TERF2: variants seen among roughly 807,000 people sequenced by gnomAD.
TERF2 encodes the protein telomeric repeat binding factor 2, also known as telomeric repeat-binding factor 2.
In TERF2, 16 loss-of-function variants were observed where a neutral mutation model predicts 56.1. The observed-to-expected ratio is 0.29, with a 90% confidence interval of 0.19 to 0.43. TERF2 has a LOEUF of 0.43. Among genes scored for constraint, TERF2 ranks in the 20% least tolerant of loss-of-function variants. The probability of loss-of-function intolerance (pLI) is 1.00; values close to 1 mark genes in which losing one functional copy is unlikely to be tolerated. For synonymous variants in TERF2, 296 were observed against 282.1 expected, an observed-to-expected ratio of 1.05 and a Z score of -0.50; for missense variants, 547 against 712.9, an observed-to-expected ratio of 0.77 and a Z score of 2.65.
intron 3 of TERF2, among the ~76,000 whole-genome samples, chr16:69,374,984 G>A (rs1046056816): frequency 6.6e-6 from 1 of 152,138 alleles, no homozygotes; most frequent in African/African-American, 2.4e-5. Flanking sequence ...GAACAAAAAA[G>A]CCGTAAGTGT....
chr16:69,367,717 G>A (rs1414650232), intron 6 of TERF2, among the ~76,000 whole-genome samples: 1 of 152,166 alleles, frequency 6.6e-6, no homozygotes, highest in Non-Finnish European at 1.5e-5. Flanking sequence ...CAAACTGGCA[G>A]CCTGCAGGCC....
At chr16:69,382,914 A>T (rs1010691691) in intron 3 of TERF2, among the ~76,000 whole-genome samples, 11 of 152,230 alleles carry the variant, frequency 7.2e-5, no homozygotes, top group Admixed American at 2.0e-4. Context: ...GTTACACTGC[A>T]GTAACAATAA....
intron 4 of TERF2, among the ~76,000 whole-genome samples, chr16:69,371,047 T>C (rs1163751509): frequency 6.6e-6 from 1 of 151,342 alleles, no homozygotes; most frequent in African/African-American, 2.4e-5. Context: ...TAGAGGATCT[T>C]TGAAAGGATA....
chr16:69,380,004 C>A (rs1344977957), intron 3 of TERF2, among the ~76,000 whole-genome samples: 1 of 152,036 alleles, frequency 6.6e-6, no homozygotes, highest in African/African-American at 2.4e-5. Flanking sequence ...CTCCTCGCCT[C>A]CTGGGTTCAA....
At chr16:69,360,143 T>G (rs1057514421) in intron 8 of TERF2, among the ~76,000 whole-genome samples, 6 of 151,958 alleles carry the variant, frequency 3.9e-5, no homozygotes, top group Non-Finnish European at 7.4e-5. Flanking sequence ...TCCCAACACT[T>G]TGGGAGGCTG....
intron 7 of TERF2, among the ~76,000 whole-genome samples, chr16:69,364,392 G>T (rs1567445470): frequency 6.6e-6 from 1 of 152,188 alleles, no homozygotes; most frequent in Non-Finnish European, 1.5e-5. Flanking sequence ...GCAGATTAAA[G>T]GGCATTCTCC....
chr16:69,356,872 G>GA lies in TERF2; in HGVS notation c.*25dup, dbSNP rs2012926914. The GA allele has an allele frequency of 5.6e-6, 9 of 1,598,114 alleles. No individual in the cohort carries two copies. The highest frequency in any genetic ancestry group is 7.7e-6 in the Non-Finnish European group (9 of 1,172,776). On this transcript the variant is annotated 3_prime_UTR_variant, in exon 10 of 10. Coordinates refer to ENST00000254942, the MANE Select transcript of TERF2 (RefSeq NM_005652.5). ...CTATTATTAGGAACCATGCTCCTGTGAATTCTGTGGAAATGAAAGCCTGTT... is the reference window on the plus strand; with the variant it reads ...CTATTATTAGGAACCATGCTCCTGTGAAATTCTGTGGAAATGAAAGCCTGTT...
chr16:69,374,288 C>T (rs1489272679), intron 3 of TERF2, among the ~76,000 whole-genome samples: 1 of 152,132 alleles, frequency 6.6e-6, no homozygotes, highest in Non-Finnish European at 1.5e-5. Flanking sequence ...TCATCCACTA[C>T]AATGAGGATC....
intron 3 of TERF2, among the ~76,000 whole-genome samples, chr16:69,375,428 G>A (rs1310673620): frequency 6.6e-6 from 1 of 152,160 alleles, no homozygotes; most frequent in Non-Finnish European, 1.5e-5. Context: ...GCTAGGTGTG[G>A]TGGCTCACGC....
In TERF2 at chr16:69,372,180, T is replaced by C; in HGVS notation, c.693+89A>G. ...TGTTGAAAGGAGAATATTTAAGTAATATTCCTGACCAAGAACCCTTTCCCT... is the reference window on the plus strand; with the variant it reads ...TGTTGAAAGGAGAATATTTAAGTAACATTCCTGACCAAGAACCCTTTCCCT... On this transcript the variant is annotated intron_variant, in intron 4 of 9. Transcript: ENST00000254942. 3 of 869,294 alleles carry C rather than the reference T, an allele frequency of 3.5e-6. No individual in the cohort carries two copies. The South Asian group carries it at 5.0e-5, about 15-fold the overall frequency. The allele number at this position is 869,294 out of a possible 1,614,324, so 53.8% of individuals were successfully genotyped here.
chr16:69,385,532 C>G (rs1306674297), intron 1 of TERF2, 46 bp from the exon 2 acceptor site: 1 of 1,610,638 alleles, frequency 6.2e-7, no homozygotes, highest in South Asian at 1.1e-5. Flanking sequence ...AGTCCCGACT[C>G]CCGGTCCCCC....
At chr16:69,357,690 T>C in intron 8 of TERF2, 129 bp from the exon 9 acceptor site, 1 of 1,074,896 alleles carries the variant, frequency 9.3e-7, no homozygotes, top group Non-Finnish European at 1.4e-6. Flanking sequence ...AGAGAAAGGA[T>C]ATCACTAAAG....
At chr16:69,374,039 T>G (rs922870132) in intron 3 of TERF2, among the ~76,000 whole-genome samples, 4 of 152,182 alleles carry the variant, frequency 2.6e-5, no homozygotes, top group African/African-American at 4.8e-5. Flanking sequence ...GCACAGTTCT[T>G]GCTGCACAGG....
intron 8 of TERF2, among the ~76,000 whole-genome samples, chr16:69,357,812 G>A (rs1440376361): frequency 6.7e-6 from 1 of 150,140 alleles, no homozygotes; most frequent in African/African-American, 2.4e-5. Context: ...CTAGTGATGC[G>A]TTTCAAGCTC....
chr16:69,364,690 C>A (rs545791182), intron 7 of TERF2, among the ~76,000 whole-genome samples: 5 of 152,228 alleles, frequency 3.3e-5, no homozygotes, highest in African/African-American at 1.2e-4. Context: ...CCAACACACT[C>A]GACGACCTTC....
chr16:69,367,320 T>C, intron 6 of TERF2, 121 bp from the exon 7 acceptor site: 5 of 1,029,282 alleles, frequency 4.9e-6, no homozygotes, highest in South Asian at 3.4e-5. Flanking sequence ...AAATGTGATA[T>C]GTAAGTTGTA....
In TERF2 at chr16:69,385,992, C is replaced by A. The variant is rs2014195590; in HGVS notation, c.-21G>T. On this transcript the variant is annotated 5_prime_UTR_variant, in exon 1 of 10. Coordinates refer to ENST00000254942, the MANE Select transcript of TERF2 (RefSeq NM_005652.5). The stretch of plus-strand genomic sequence containing the variant: ...GCCATGATAGAAACAGCGTTCCGAG[C>A]CGCCCGCGGGCTTCTGGGAGGGAAA... 2 of 1,311,702 alleles carry A rather than the reference C, an allele frequency of 1.5e-6. No homozygotes were observed. Among genetic ancestry groups the A allele is most frequent in the Admixed American group, 4.1e-5 (1 of 24,170 alleles). 81.3% of individuals were successfully genotyped at this position (1,311,702 alleles called of 1,614,324 possible). A position where few individuals can be genotyped will look rare whatever the true frequency, so the allele number is the denominator to read the frequency against.
intron 3 of TERF2, among the ~76,000 whole-genome samples, chr16:69,378,117 T>G (rs1254149721): frequency 6.6e-6 from 1 of 152,236 alleles, no homozygotes; most frequent in African/African-American, 2.4e-5. Flanking sequence ...GAACTAATGT[T>G]GAATTCTGTG....
chr16:69,384,217 G>A (rs757427459), intron 3 of TERF2, among the ~76,000 whole-genome samples: 2 of 152,112 alleles, frequency 1.3e-5, no homozygotes, highest in Admixed American at 6.5e-5. Flanking sequence ...CATTTTCCAA[G>A]GCCCCAGTTT....
Sources: allele counts gnomAD v4.1 joint callset (sites outside exome capture counted in the v4.1 genomes callset), GRCh38; gene constraint gnomAD v4.1.1; transcripts MANE v1.5; gene names NCBI Gene and HGNC (gene_info 2026-07-23, HGNC 2026-07-21).